The following EPB42 variants were observed in gnomAD, a reference collection of about 807,000 sequenced individuals.
The protein encoded by EPB42 is erythrocyte membrane protein band 4.2, also known as protein 4.2.
In EPB42, 49 loss-of-function variants were observed where a neutral mutation model predicts 76.9. The observed-to-expected ratio is 0.64, with a 90% confidence interval of 0.51 to 0.81. The LOEUF (loss-of-function observed/expected upper bound fraction) is 0.81, where lower values mean the gene tolerates loss of function less well. EPB42 is among the 30% of genes least tolerant of loss of function. EPB42 has a pLI of 0.00. For missense variants in EPB42, 731 were observed against 867.6 expected (o/e 0.84, Z 1.98); for synonymous variants, 310 against 338.4 (o/e 0.92, Z 0.92).
chr15:43,204,969 C>CA (rs1055917452), intron 10 of EPB42, among the ~76,000 whole-genome samples: 11 of 142,760 alleles, frequency 7.7e-5, no homozygotes, highest in African/African-American at 1.9e-4. Flanking sequence ...CCTCCGCCCC[C>CA]CCCCCAAAAA....
chr15:43,221,090 G>A, upstream of EPB42: 1 of 492,774 alleles, frequency 2.0e-6, no homozygotes, highest in East Asian at 3.9e-5. Flanking sequence ...CTTGTGCCAG[G>A]AGGCCCAGGC....
intron 4 of EPB42, 45 bp from the exon 5 acceptor site, chr15:43,210,484 G>T: frequency 6.3e-7 from 1 of 1,576,058 alleles, no homozygotes; most frequent in Non-Finnish European, 8.7e-7. Flanking sequence ...CCCCACACAG[G>T]GCCATGAGGA....
chr15:43,216,532 G>C lies in EPB42; in HGVS notation c.11-79C>G, dbSNP rs79954084. On this transcript the variant is annotated intron_variant, in intron 1 of 12. Transcript: ENST00000441366. ...TACAAGCAGAGATTCTGGAGTCAGA[G>C]AGACCAGGGTTCTAATCCTCGGCTC... is the stretch of plus-strand genomic sequence containing the variant. 0.01 allele frequency: 15,407 copies of C among 1,507,174 alleles called. 1,072 individuals are homozygous for C. The African/African-American group carries it at 0.16, about 16-fold the overall frequency. 93.4% of individuals were successfully genotyped at this position (1,507,174 alleles called of 1,614,324 possible).
At chr15:43,224,226 G>A (rs1011429572), upstream of EPB42, among the ~76,000 whole-genome samples, 7 of 152,014 alleles carry the variant, frequency 4.6e-5, no homozygotes, top group African/African-American at 1.2e-4. Flanking sequence ...TTTCCTTTTC[G>A]TCTTCTTATA....
At chr15:43,224,459 C>A (rs986900557), upstream of EPB42, among the ~76,000 whole-genome samples, 2 of 151,980 alleles carry the variant, frequency 1.3e-5, no homozygotes, top group Non-Finnish European at 2.9e-5. Context: ...TATGGATTAG[C>A]CATTCTTTAT....
intron 3 of EPB42, among the ~76,000 whole-genome samples, chr15:43,213,440 G>A (rs746815461): frequency 1.3e-5 from 2 of 152,160 alleles, no homozygotes; most frequent in African/African-American, 4.8e-5. Flanking sequence ...CCCCTGCCCA[G>A]ACAGAGACCT....
At chr15:43,198,955 A>G (rs1317113637) in intron 12 of EPB42, among the ~76,000 whole-genome samples, 10 of 152,226 alleles carry the variant, frequency 6.6e-5, no homozygotes, top group Admixed American at 2.6e-4. Flanking sequence ...CTATGGGTGC[A>G]CAGAAGTCAA....
rs763773046 is a variant in EPB42, at chr15:43,209,408, G to T, written c.698C>A (p.Thr233Asn). ...KEQRVLPTPQ[T>N]QATQEGALLN... ...CAAGGCCCCTTCCTGGGTGGCCTGG[G>T]TCTGCGGGGTGGGCAGGACCCTCTG... is the stretch of plus-strand genomic sequence containing the variant. The change falls in exon 6 of 13, where the codon ACC (threonine) becomes AAC (asparagine). Residue 233 changes from threonine to asparagine, a missense_variant. By Grantham distance (65) the Thr-to-Asn change is moderately conservative (BLOSUM62 0). Coordinates refer to ENST00000441366, the MANE Select transcript of EPB42 (RefSeq NM_001114134.2). 6.2e-7 allele frequency: 1 copy of T among 1,613,524 alleles called. No individual in the cohort carries two copies. Among genetic ancestry groups the T allele is most frequent in the Non-Finnish European group, 8.5e-7 (1 of 1,179,728 alleles).
chr15:43,215,046 A>G (rs374124532), intron 3 of EPB42, 49 bp downstream of exon 3: 2 of 1,530,070 alleles, frequency 1.3e-6, no homozygotes, highest in Admixed American at 1.8e-5. Context: ...CCCCAGCTCC[A>G]GTGTCTGGAG....
At chr15:43,204,752 C>T (rs2042174734) in intron 10 of EPB42, among the ~76,000 whole-genome samples, 1 of 152,162 alleles carries the variant, frequency 6.6e-6, no homozygotes, top group South Asian at 2.1e-4. Flanking sequence ...TGATGATTTA[C>T]ACAACCTTCT....
intron 3 of EPB42, among the ~76,000 whole-genome samples, chr15:43,213,249 T>C (rs1003528677): frequency 3.3e-5 from 5 of 152,162 alleles, no homozygotes; most frequent in East Asian, 1.9e-4. Context: ...CTTGGGTGTA[T>C]GTAGCCCCCT....
At chr15:43,201,089 A>G (rs2142261151) in intron 12 of EPB42, among the ~76,000 whole-genome samples, 1 of 152,296 alleles carries the variant, frequency 6.6e-6, no homozygotes, top group East Asian at 1.9e-4. Flanking sequence ...TGCTGGGATT[A>G]CAGGCGTGAG....
At position 43,217,455 on chromosome 15, in the gene EPB42, A is replaced by C. The variant is rs1339064227; in HGVS notation, c.11-1002T>G. Among the ~76,000 whole-genome samples, 3 of 152,154 alleles carry C rather than the reference A, an allele frequency of 2.0e-5. No individual in the cohort carries two copies. In the East Asian group the frequency reaches 5.8e-4, roughly 29 times the overall value. ...TGTCTTTATAGCAGTGTGAGAACCG[A>C]CTAATACAAGAGGGAAGAAAAAAAC... is the stretch of plus-strand genomic sequence containing the variant. On this transcript the variant is annotated intron_variant, in intron 1 of 12. Coordinates refer to ENST00000441366, the MANE Select transcript of EPB42 (RefSeq NM_001114134.2).
intron 12 of EPB42, among the ~76,000 whole-genome samples, chr15:43,198,195 G>A (rs1360798344): frequency 1.3e-5 from 2 of 152,200 alleles, no homozygotes; most frequent in Non-Finnish European, 2.9e-5. Flanking sequence ...TTTGGAACTG[G>A]GTAACAGGCA....
chr15:43,224,722 G>T (rs1228395858), upstream of EPB42, among the ~76,000 whole-genome samples: 1 of 152,212 alleles, frequency 6.6e-6, no homozygotes, highest in East Asian at 1.9e-4. Flanking sequence ...AGGTGAAAAA[G>T]AATGAAGTAG....
At chr15:43,216,534 G>C (rs1342354945) in intron 1 of EPB42, 81 bp from the exon 2 acceptor site, 1 of 1,492,430 alleles carries the variant, frequency 6.7e-7, no homozygotes, top group Non-Finnish European at 9.2e-7. Flanking sequence ...GAGTCAGAGA[G>C]ACCAGGGTTC....
rs1436628397 is a variant in EPB42 at position 43,209,301 on chromosome 15, A to G, written c.805T>C (p.Trp269Arg). ...RGRPVYDGQA[W>R]VLAAVACTVL... ...GTGCAAGCAACAGCAGCCAACACCC[A>G]GGCCTGGCCATCATACACAGGTCGG... Residue 269 changes from tryptophan (W) to arginine (R), a missense_variant, in exon 6 of 13, where the codon TGG (tryptophan) becomes CGG (arginine). Transcript: ENST00000441366. 6.2e-7 allele frequency: 1 copy of G among 1,614,074 alleles called. No individual in the cohort carries two copies. Among genetic ancestry groups the G allele is most frequent in the African/African-American group, 1.3e-5 (1 of 74,950 alleles).
chr15:43,224,097 C>G (rs1168937808), upstream of EPB42, among the ~76,000 whole-genome samples: 2 of 152,068 alleles, frequency 1.3e-5, no homozygotes. Context: ...ATGTTTTCAC[C>G]CTTCTGTAGG....
chr15:43,206,368 C>T lies in EPB42; in HGVS notation c.1580G>A (p.Trp527Ter). 6.2e-7 allele frequency: 1 copy of T among 1,613,230 alleles called. No individual in the cohort carries two copies. The highest frequency in any genetic ancestry group is 8.5e-7 in the Non-Finnish European group (1 of 1,179,260). ...GAGCGTGAGGTGCAGCTTCTTCCTC[C>T]AGAGCTTGGCAGCAAGGACACCGTT... Reference protein sequence around the residue: ...HYNGVLAAKLWRKKLHLTLSA... With the variant: ...HYNGVLAAKL The change falls in exon 10 of 13, where the codon TGG (tryptophan) becomes TAG (stop). Residue 527 changes from tryptophan (W) to a stop codon, truncating the protein, a stop_gained. Transcript: ENST00000441366. LOFTEE classifies it high-confidence loss of function. This position sits in a 1 kb window ranked among gnomAD's most constrained non-coding sequence, Gnocchi z 4.7.
Sources: gnomAD v4.1 joint callset for allele counts (sites outside exome capture counted in the v4.1 genomes callset) on GRCh38, gnomAD v4.1.1 for gene constraint, Gnocchi (gnomAD v3.1) non-coding constraint, MANE v1.5 for transcripts, NCBI Gene and HGNC (gene_info 2026-07-23, HGNC 2026-07-21) for gene names.